The following HEMK2 variants were observed in gnomAD, a reference collection of about 807,000 sequenced individuals.
HEMK2 encodes methyltransferase HEMK2.
chr21:28,754,868 G>T, the HEMK2 span, among the ~76,000 whole-genome samples: 1 of 152,200 alleles, frequency 6.6e-6, no homozygotes, highest in Non-Finnish European at 1.5e-5. Context: ...TCCTGAGAAT[G>T]AGCTGCTCTG....
At chr21:28,609,706 C>T in the HEMK2 span, among the ~76,000 whole-genome samples, 1 of 147,658 alleles carries the variant, frequency 6.8e-6, no homozygotes, top group Admixed American at 6.7e-5. Context: ...AAACAGATAG[C>T]ATAAATAAAA....
At chr21:28,631,933 TTTACA>T in the HEMK2 span, among the ~76,000 whole-genome samples, 1 of 152,180 alleles carries the variant, frequency 6.6e-6, no homozygotes, top group African/African-American at 2.4e-5. Flanking sequence ...ATTTATATTA[TTTACA>T]TTGCACCATC....
chr21:28,833,674 T>C, the HEMK2 span, among the ~76,000 whole-genome samples: 1 of 152,216 alleles, frequency 6.6e-6, no homozygotes, highest in Non-Finnish European at 1.5e-5. Flanking sequence ...AGAGGCCACA[T>C]ATGCCCACGT....
At chr21:28,863,944 C>T in the HEMK2 span, among the ~76,000 whole-genome samples, 3 of 152,232 alleles carry the variant, frequency 2.0e-5, no homozygotes, top group African/African-American at 7.2e-5. Context: ...TCTCCTGCCT[C>T]AGCCTCCCAA....
the HEMK2 span, among the ~76,000 whole-genome samples, chr21:28,721,900 TCA>T: frequency 0.012 from 1,491 of 127,164 alleles, 13 homozygotes; most frequent in African/African-American, 0.024. Flanking sequence ...TTCTTAACCA[TCA>T]CACACACACA....
At chr21:28,817,145 C>G in the HEMK2 span, among the ~76,000 whole-genome samples, 298 of 152,304 alleles carry the variant, frequency 2.0e-3, 1 homozygote, top group Admixed American at 4.1e-3. Flanking sequence ...AACAGCAACA[C>G]TGGGTGCTAA....
chr21:28,868,676 C>A, the HEMK2 span, among the ~76,000 whole-genome samples: 3 of 152,112 alleles, frequency 2.0e-5, no homozygotes, highest in Admixed American at 2.0e-4. Context: ...AGAGCAAGAC[C>A]TTGTCTCAAA....
At chr21:28,831,654 A>AGAAGGAAGGAAAGAAGGAAG in the HEMK2 span, among the ~76,000 whole-genome samples, 1 of 39,908 alleles carries the variant, frequency 2.5e-5, no homozygotes, top group Non-Finnish European at 4.6e-5. Flanking sequence ...AAAGAAAGAA[A>AGAAGGAAGGAAAGAAGGAAG]GAAAGAAAGA....
chr21:28,773,518 T>C, the HEMK2 span, among the ~76,000 whole-genome samples: 2 of 152,154 alleles, frequency 1.3e-5, no homozygotes, highest in African/African-American at 4.8e-5. Flanking sequence ...GAAAAGATTG[T>C]TTAACAGAAA....
chr21:28,630,527 C>T, the HEMK2 span, among the ~76,000 whole-genome samples: 1 of 152,050 alleles, frequency 6.6e-6, no homozygotes, highest in South Asian at 2.1e-4. Flanking sequence ...TTGGAACCAA[C>T]CCAAATGTCC....
the HEMK2 span, among the ~76,000 whole-genome samples, chr21:28,792,538 G>C: frequency 7.2e-5 from 11 of 152,168 alleles, no homozygotes; most frequent in Non-Finnish European, 1.5e-4. Flanking sequence ...TCTTGCGGTT[G>C]TAAGAAACAG....
the HEMK2 span, among the ~76,000 whole-genome samples, chr21:28,575,694 T>C: frequency 6.6e-6 from 1 of 152,172 alleles, no homozygotes; most frequent in Admixed American, 6.5e-5. Context: ...CAAATGTATA[T>C]CCCCACATAA....
At chr21:28,591,921 T>C in the HEMK2 span, among the ~76,000 whole-genome samples, 1 of 152,224 alleles carries the variant, frequency 6.6e-6, no homozygotes, top group Admixed American at 6.5e-5. Flanking sequence ...ATGGTGTGTA[T>C]GTATCACATT....
chr21:28,690,388 C>T, the HEMK2 span, among the ~76,000 whole-genome samples: 2 of 152,092 alleles, frequency 1.3e-5, no homozygotes, highest in Non-Finnish European at 2.9e-5. Context: ...GCTCAGAGGC[C>T]CCAGATAAGA....
chr21:28,647,752 A>G, the HEMK2 span, among the ~76,000 whole-genome samples: 1 of 152,122 alleles, frequency 6.6e-6, no homozygotes, highest in Non-Finnish European at 1.5e-5. Flanking sequence ...ACACACACAT[A>G]CCCCATTCTG....
At chr21:28,868,386 TAA>T in the HEMK2 span, among the ~76,000 whole-genome samples, 6 of 152,192 alleles carry the variant, frequency 3.9e-5, no homozygotes, top group African/African-American at 1.4e-4. Flanking sequence ...CTTAGGTATT[TAA>T]AATATCTTTT....
At chr21:28,882,355 G>GAAA in the HEMK2 span, 1 of 572,284 alleles carries the variant, frequency 1.7e-6, no homozygotes, top group Non-Finnish European at 2.8e-6. Flanking sequence ...AACAGATTTA[G>GAAA]AAAAAAAAAA....
the HEMK2 span, among the ~76,000 whole-genome samples, chr21:28,807,857 A>C: frequency 3.3e-3 from 496 of 152,248 alleles, 2 homozygotes; most frequent in African/African-American, 0.011. Context: ...ACTAATGATT[A>C]ATTTTTTTCC....
the HEMK2 span, among the ~76,000 whole-genome samples, chr21:28,622,784 C>G: frequency 6.6e-6 from 1 of 152,018 alleles, no homozygotes; most frequent in Admixed American, 6.6e-5. Flanking sequence ...CCATATGATG[C>G]AGAATACTGA....
Sources: allele counts gnomAD v4.1 joint callset (sites outside exome capture counted in the v4.1 genomes callset), GRCh38; gene constraint gnomAD v4.1.1; transcripts MANE v1.5; gene names NCBI Gene and HGNC (gene_info 2026-07-23, HGNC 2026-07-21).